LARP4B: variants seen among roughly 807,000 people sequenced by gnomAD.
The protein encoded by LARP4B is La ribonucleoprotein 4B, also known as la-related protein 4B.
A neutral mutation model predicts 89.8 loss-of-function variants in LARP4B; 12 were observed. That is an observed-to-expected ratio of 0.13 (90% CI 0.09 to 0.22). LARP4B has a LOEUF of 0.22. Among genes scored for constraint, LARP4B ranks in the 10% least tolerant of loss-of-function variants. LARP4B has a pLI of 1.00. For synonymous variants in LARP4B, 367 were observed against 363.3 expected (o/e 1.01, Z -0.12); for missense variants, 757 against 947.7 (o/e 0.80, Z 2.64).
chr10:969,040 A>G, the LARP4B span, among the ~76,000 whole-genome samples: 2 of 152,236 alleles, frequency 1.3e-5, no homozygotes, highest in East Asian at 1.9e-4. Flanking sequence ...CCGTATCTTA[A>G]GAGAGACTTG....
chr10:863,503 AC>A (rs1160027444), intron 5 of LARP4B, among the ~76,000 whole-genome samples: 1 of 152,104 alleles, frequency 6.6e-6, no homozygotes, highest in Admixed American at 6.5e-5. Context: ...TGCTGGGATG[AC>A]AGGCGTGAGC....
At chr10:824,271 T>A (rs1223635148) in intron 13 of LARP4B, among the ~76,000 whole-genome samples, 1 of 152,158 alleles carries the variant, frequency 6.6e-6, no homozygotes. Context: ...GGCAGGAGGA[T>A]GGCTCTAGGC....
the LARP4B span, among the ~76,000 whole-genome samples, chr10:979,822 T>G: frequency 6.6e-6 from 1 of 152,056 alleles, no homozygotes; most frequent in African/African-American, 2.4e-5. Flanking sequence ...ATACAAAAAA[T>G]TAGCCAGGTG....
chr10:815,261 C>G, intron 15 of LARP4B, 191 bp from the exon 16 acceptor site: 2 of 467,822 alleles, frequency 4.3e-6, no homozygotes, highest in Non-Finnish European at 7.1e-6. Flanking sequence ...CCACCCTTCT[C>G]TTTCTCGGCA....
intron 5 of LARP4B, among the ~76,000 whole-genome samples, chr10:853,482 A>C (rs1834155584): frequency 6.6e-6 from 1 of 152,192 alleles, no homozygotes; most frequent in African/African-American, 2.4e-5. Context: ...TCAGGAGTTC[A>C]AGACCAGCCT....
intron 8 of LARP4B, among the ~76,000 whole-genome samples, chr10:835,681 G>A (rs891833755): frequency 3.3e-5 from 5 of 152,180 alleles, no homozygotes; most frequent in African/African-American, 1.2e-4. Flanking sequence ...AGATACTGTG[G>A]TTCCCTAAAA....
the LARP4B span, among the ~76,000 whole-genome samples, chr10:962,787 G>A: frequency 1.3e-5 from 2 of 152,106 alleles, no homozygotes; most frequent in Non-Finnish European, 2.9e-5. Context: ...ACTCCCACTG[G>A]CCAACAGCCA....
At chr10:910,772 T>C (rs1248389457) in intron 1 of LARP4B, among the ~76,000 whole-genome samples, 2 of 152,204 alleles carry the variant, frequency 1.3e-5, no homozygotes, top group Admixed American at 6.5e-5. Context: ...GCTTTTAAGA[T>C]TGCAGCTGTT....
At chr10:941,668 T>G in the LARP4B span, among the ~76,000 whole-genome samples, 1 of 152,274 alleles carries the variant, frequency 6.6e-6, no homozygotes, top group African/African-American at 2.4e-5. Context: ...GCTATGGTGA[T>G]CTGGGGTTCC....
At chr10:885,618 C>T (rs1425644635) in intron 2 of LARP4B, 23 bp downstream of exon 2, 2 of 1,594,324 alleles carry the variant, frequency 1.3e-6, no homozygotes, top group Admixed American at 3.5e-5. Context: ...GGACTCCCCA[C>T]CACCCCATTC....
the LARP4B span, among the ~76,000 whole-genome samples, chr10:961,967 CT>C: frequency 6.6e-6 from 1 of 152,102 alleles, no homozygotes; most frequent in African/African-American, 2.4e-5. Context: ...CCTCTGTGCA[CT>C]TGTGTGTCCC....
chr10:865,543 G>A (rs1368344344), intron 3 of LARP4B, among the ~76,000 whole-genome samples: 2 of 152,112 alleles, frequency 1.3e-5, no homozygotes, highest in African/African-American at 4.8e-5. Context: ...TGGCACTTTT[G>A]CTCTTCCCGT....
intron 8 of LARP4B, among the ~76,000 whole-genome samples, chr10:833,249 TAAAAAAAAAAAAAAAAAAAA>T (rs56788542): frequency 2.9e-4 from 15 of 52,040 alleles, no homozygotes; most frequent in South Asian, 3.0e-3. Flanking sequence ...TGATGAGCTT[TAAAAAAAAAAAAAAAAAAAA>T]AAAAAAAAAA....
intron 12 of LARP4B, 68 bp from the exon 13 acceptor site, chr10:825,384 G>A (rs996237648): frequency 6.8e-7 from 1 of 1,476,090 alleles, no homozygotes; most frequent in Admixed American, 1.7e-5. Context: ...CATGCATACT[G>A]ACATGGAATA....
chr10:962,847 G>A, the LARP4B span, among the ~76,000 whole-genome samples: 17 of 152,042 alleles, frequency 1.1e-4, no homozygotes, highest in South Asian at 2.1e-4. Flanking sequence ...GACTTCTGCC[G>A]TAGCCTCAGT....
At chr10:966,957 G>A in the LARP4B span, among the ~76,000 whole-genome samples, 2 of 152,260 alleles carry the variant, frequency 1.3e-5, no homozygotes, top group Admixed American at 6.5e-5. Context: ...AACACTGGCA[G>A]CCAAAGGATT....
intron 11 of LARP4B, among the ~76,000 whole-genome samples, chr10:829,166 G>A (rs1203906189): frequency 1.3e-5 from 2 of 152,210 alleles, no homozygotes; most frequent in Non-Finnish European, 2.9e-5. Context: ...GACAAGAGGG[G>A]AGACGGGCTG....
At chr10:835,051 A>AG in intron 8 of LARP4B, among the ~76,000 whole-genome samples, 1 of 152,110 alleles carries the variant, frequency 6.6e-6, no homozygotes, top group East Asian at 1.9e-4. Flanking sequence ...AAAAAAAAAA[A>AG]AAAGCAAGCA....
chr10:873,552 TAGTTCATAAATTCCCCCAAAGGAAAAC>T, intron 3 of LARP4B: 1 of 340,728 alleles, frequency 2.9e-6, no homozygotes, highest in South Asian at 1.2e-4. Flanking sequence ...CTAAATAAAA[TAGTTCATAAATTCCCCCAAAGGAAAAC>T]AGTATCAGAA....
Sources: gnomAD v4.1 joint callset for allele counts (sites outside exome capture counted in the v4.1 genomes callset) on GRCh38, gnomAD v4.1.1 for gene constraint, MANE v1.5 for transcripts, NCBI Gene and HGNC (gene_info 2026-07-23, HGNC 2026-07-21) for gene names.